The following MAGI1 variants were observed in gnomAD, a reference collection of about 807,000 sequenced individuals.
The protein encoded by MAGI1 is membrane-associated guanylate kinase, WW and PDZ domain-containing protein 1.
A neutral mutation model predicts 139.9 loss-of-function variants in MAGI1; 58 were observed. The observed-to-expected ratio is 0.41, with a 90% CI of 0.34 to 0.52. The LOEUF (loss-of-function observed/expected upper bound fraction) is 0.52, where lower values mean the gene tolerates loss of function less well. Among genes scored for constraint, MAGI1 ranks in the 20% least tolerant of loss-of-function variants. The pLI is 0.12. For missense variants in MAGI1, 1,874 were observed against 1,901.6 expected (o/e 0.99, Z 0.27); for synonymous variants, 812 against 737.9 (o/e 1.10, Z -1.63).
At chr3:65,414,425 C>T (rs569693684) in intron 12 of MAGI1, among the ~76,000 whole-genome samples, 4 of 152,270 alleles carry the variant, frequency 2.6e-5, no homozygotes, top group Admixed American at 6.5e-5. Context: ...TGAATCCGAA[C>T]GCTTTCTTCC....
chr3:65,813,042 A>G (rs1489630030), intron 1 of MAGI1, among the ~76,000 whole-genome samples: 6 of 151,474 alleles, frequency 4.0e-5, no homozygotes, highest in African/African-American at 1.2e-4. Flanking sequence ...AAAAAAAAAA[A>G]GTCAATTTCT....
chr3:65,565,709 T>G (rs910135167), intron 2 of MAGI1, among the ~76,000 whole-genome samples: 2 of 151,526 alleles, frequency 1.3e-5, no homozygotes, highest in African/African-American at 4.9e-5. Flanking sequence ...ATACAAAAAT[T>G]AGCCGGGTGT....
At chr3:65,553,055 T>A (rs146405440) in intron 2 of MAGI1, among the ~76,000 whole-genome samples, 2 of 151,886 alleles carry the variant, frequency 1.3e-5, no homozygotes, top group African/African-American at 4.8e-5. Flanking sequence ...TTCCTGATAC[T>A]CAGATGAAAA....
At chr3:65,611,739 CATACATAGTATAT>C (rs1559719840) in intron 2 of MAGI1, among the ~76,000 whole-genome samples, 1 of 145,524 alleles carries the variant, frequency 6.9e-6, no homozygotes, top group Non-Finnish European at 1.5e-5. Flanking sequence ...TATGTGTATA[CATACATAGTATAT>C]ATACACATAT....
In MAGI1 at chr3:65,365,093, TAGG is replaced by T. The variant is rs761674078; in HGVS notation, c.3197-150_3197-148del. On this transcript the variant is annotated intron_variant, in intron 18 of 22. Transcript: ENST00000402939. The stretch of plus-strand genomic sequence containing the variant: ...AGTCTGACTTGAATTTCTAGACAAT[TAGG>T]AGTTTAATAAACCATTTTAAGATCT... 1.9e-5 allele frequency: 15 copies of T among 787,606 alleles called. No individual in the cohort carries two copies. In the African/African-American group the frequency reaches 2.4e-4, roughly 12 times the overall value. 48.8% of individuals were successfully genotyped at this position (787,606 alleles called of 1,614,324 possible).
chr3:65,491,390 G>C (rs780327931), intron 3 of MAGI1, among the ~76,000 whole-genome samples: 12 of 152,136 alleles, frequency 7.9e-5, no homozygotes, highest in Non-Finnish European at 1.5e-4. Flanking sequence ...ATCGAATAAA[G>C]TGAGTTTACT....
intron 12 of MAGI1, among the ~76,000 whole-genome samples, chr3:65,410,343 A>C (rs1414626756): frequency 6.6e-6 from 1 of 152,226 alleles, no homozygotes; most frequent in Non-Finnish European, 1.5e-5. Flanking sequence ...ATATCTTCTC[A>C]TTCTGCAGAA....
At chr3:65,629,078 T>A (rs1487234664) in intron 1 of MAGI1, among the ~76,000 whole-genome samples, 1 of 152,206 alleles carries the variant, frequency 6.6e-6, no homozygotes, top group Non-Finnish European at 1.5e-5. Context: ...GTGTCTCTTT[T>A]TCTGTTACAT....
intron 1 of MAGI1, among the ~76,000 whole-genome samples, chr3:65,883,196 G>A (rs927503800): frequency 5.3e-5 from 8 of 152,044 alleles, no homozygotes; most frequent in Non-Finnish European, 7.4e-5. Flanking sequence ...GCATATGTTC[G>A]AAATGAGCCC....
chr3:66,001,645 C>A (rs940013159), intron 1 of MAGI1, among the ~76,000 whole-genome samples: 2 of 152,110 alleles, frequency 1.3e-5, no homozygotes, highest in Non-Finnish European at 2.9e-5. Context: ...AATAAGCAGA[C>A]CCCAACCCTA....
At chr3:65,779,427 T>G (rs1468135497) in intron 1 of MAGI1, among the ~76,000 whole-genome samples, 1 of 152,230 alleles carries the variant, frequency 6.6e-6, no homozygotes, top group Admixed American at 6.5e-5. Flanking sequence ...GCACTCAACT[T>G]TTTTCCAAAA....
chr3:65,965,523 A>G (rs2064695912), intron 1 of MAGI1, among the ~76,000 whole-genome samples: 1 of 152,202 alleles, frequency 6.6e-6, no homozygotes, highest in African/African-American at 2.4e-5. Context: ...CTGAAGACAT[A>G]TTAACACCTG....
intron 1 of MAGI1, among the ~76,000 whole-genome samples, chr3:65,743,074 G>C (rs1205617829): frequency 6.6e-6 from 1 of 151,950 alleles, no homozygotes; most frequent in Admixed American, 6.6e-5. Context: ...AAAGACATCT[G>C]CATATTTTCC....
At chr3:65,830,143 G>C (rs575300124) in intron 1 of MAGI1, among the ~76,000 whole-genome samples, 1 of 152,152 alleles carries the variant, frequency 6.6e-6, no homozygotes, top group African/African-American at 2.4e-5. Context: ...AGCCAGTGTC[G>C]TGGATTGAAA....
chr3:65,616,990 A>C (rs2083410528), intron 2 of MAGI1, among the ~76,000 whole-genome samples: 2 of 152,248 alleles, frequency 1.3e-5, no homozygotes, highest in South Asian at 4.1e-4. Flanking sequence ...ACTAATGGTA[A>C]TTTATGGTCC....
intron 1 of MAGI1, among the ~76,000 whole-genome samples, chr3:65,998,146 G>A (rs1028555546): frequency 6.6e-6 from 1 of 150,842 alleles, no homozygotes; most frequent in Non-Finnish European, 1.5e-5. Flanking sequence ...GGTGGATTCC[G>A]TTATTTTTTT....
chr3:65,499,619 T>A lies in MAGI1; in HGVS notation c.431-5988A>T, dbSNP rs545591109. 2.0e-5 allele frequency among the ~76,000 whole-genome samples: 3 copies of A among 151,330 alleles called. No individual in the cohort carries two copies. The South Asian group carries it at 6.3e-4, about 32-fold the overall frequency. On this transcript the variant is annotated intron_variant, in intron 2 of 22. Transcript: ENST00000402939. ...GCCTGGGCGACAGACTGAGACTCCG[T>A]CTCAAAAAAAAAAAAGAATGGTTAA...
At chr3:65,751,233 T>C (rs35355653) in intron 1 of MAGI1, among the ~76,000 whole-genome samples, 21,740 of 152,206 alleles carry the variant, frequency 0.14, 1,808 homozygotes, top group Non-Finnish European at 0.2. Context: ...CTCAGAGACC[T>C]GAAATAAATG....
At chr3:65,893,344 TC>T (rs2060841848) in intron 1 of MAGI1, among the ~76,000 whole-genome samples, 1 of 152,120 alleles carries the variant, frequency 6.6e-6, no homozygotes, top group South Asian at 2.1e-4. Context: ...TTTTTTTTTT[TC>T]ATTTCATGAA....
Sources: gnomAD v4.1 joint callset for allele counts (sites outside exome capture counted in the v4.1 genomes callset) on GRCh38, gnomAD v4.1.1 for gene constraint, MANE v1.5 for transcripts, NCBI Gene and HGNC (gene_info 2026-07-23, HGNC 2026-07-21) for gene names.